PHF20L1: variants seen among roughly 807,000 people sequenced by gnomAD.
PHF20L1 encodes the protein PHD finger protein 20-like protein 1.
In PHF20L1, 44 loss-of-function variants were observed where a neutral mutation model predicts 125.5. The ratio of observed to expected loss-of-function variants is 0.35; its 90% CI spans 0.28 to 0.45. The LOEUF is 0.45. Ranked by LOEUF, PHF20L1 falls within the 20% of genes least tolerant of loss-of-function variation. PHF20L1 has a pLI of 1.00. For missense variants in PHF20L1, 1,012 were observed against 1,217.2 expected (o/e 0.83, Z 2.51); for synonymous variants, 380 against 403.1 (o/e 0.94, Z 0.69).
intron 2 of PHF20L1, among the ~76,000 whole-genome samples, chr8:132,784,300 A>G (rs537601579): frequency 6.6e-6 from 1 of 152,298 alleles, no homozygotes; most frequent in Admixed American, 6.5e-5. Flanking sequence ...AAACAAAAGT[A>G]TTGGAAAAAA....
chr8:132,814,782 C>A lies in PHF20L1; in HGVS notation c.1076C>A (p.Ser359Tyr). 1 of 1,612,854 alleles carries A rather than the reference C, an allele frequency of 6.2e-7. No homozygotes were observed. The highest frequency in any genetic ancestry group is 1.3e-5 in the African/African-American group (1 of 74,924). The change falls in exon 10 of 21, where the codon TCT becomes TAT. Residue 359 changes from serine to tyrosine, a missense_variant. Transcript: ENST00000395386. The part of the protein sequence containing the change: ...SKKCKHESGD[S>Y]SGCIKPPKSP... ...AAATGCAAACATGAATCTGGAGATT[C>A]TTCTGGGTGTATAAAACCCCCTAAA...
intron 19 of PHF20L1, chr8:132,843,154 A>G (rs1490204003): frequency 9.2e-7 from 1 of 1,091,804 alleles, no homozygotes; most frequent in South Asian, 3.6e-5. Flanking sequence ...TAAAAAATGA[A>G]CCACATTGTA....
In PHF20L1 at chr8:132,811,109, C is replaced by A; in HGVS notation, c.911C>A (p.Thr304Lys). 1 of 1,611,730 alleles carries A rather than the reference C, an allele frequency of 6.2e-7. No individual in the cohort carries two copies. The highest frequency in any genetic ancestry group is 8.5e-7 in the Non-Finnish European group (1 of 1,178,172). ...GAAAAAAAGGAAGACTACAATGAAA[C>A]AGCTCCAATGCTGGAGCAGGTATGA... Reference protein sequence around the residue: ...GAEKKEDYNETAPMLEQAISP... With the variant: ...GAEKKEDYNEKAPMLEQAISP... Residue 304 changes from threonine (T) to lysine (K), a missense_variant, in exon 9 of 21, where the codon ACA becomes AAA. By Grantham distance (78) the Thr-to-Lys change is moderately conservative. Transcript: ENST00000395386.
intron 4 of PHF20L1, among the ~76,000 whole-genome samples, chr8:132,798,182 G>GGT (rs1832640139): frequency 6.6e-6 from 1 of 151,868 alleles, no homozygotes; most frequent in Admixed American, 6.6e-5. Flanking sequence ...AATGCCATTG[G>GGT]GTGTAGCATT....
intron 12 of PHF20L1, among the ~76,000 whole-genome samples, chr8:132,819,875 A>G (rs189957667): frequency 6.6e-6 from 1 of 151,872 alleles, no homozygotes; most frequent in Non-Finnish European, 1.5e-5. Context: ...GTTTAGAATG[A>G]TGAGGGTGTT....
chr8:132,817,898 G>A (rs1835153143), intron 12 of PHF20L1: 1 of 170,560 alleles, frequency 5.9e-6, no homozygotes, highest in Non-Finnish European at 1.2e-5. Context: ...AATGGGATCA[G>A]TACTTTGGTT....
chr8:132,775,487 G>C lies in PHF20L1; in HGVS notation c.-196G>C, dbSNP rs1829570137. 1 of 376,754 alleles carries C rather than the reference G, an allele frequency of 2.7e-6. No individual in the cohort carries two copies. Among genetic ancestry groups the C allele is most frequent in the Non-Finnish European group, 4.7e-6 (1 of 212,070 alleles). The allele number at this position is 376,754 out of a possible 1,614,324, so 23.3% of individuals were successfully genotyped here. ...CCCAGCTCCCTCCCGCGAAACCTTGGGCGGATCCGGCGCTGCGGCCCCAGC... is the reference window on the plus strand; with the variant it reads ...CCCAGCTCCCTCCCGCGAAACCTTGCGCGGATCCGGCGCTGCGGCCCCAGC... On this transcript the variant is annotated 5_prime_UTR_variant, in exon 1 of 21. Transcript: ENST00000395386.
chr8:132,797,311 T>G (rs952087011), intron 4 of PHF20L1, among the ~76,000 whole-genome samples: 1 of 152,008 alleles, frequency 6.6e-6, no homozygotes, highest in South Asian at 2.1e-4. Flanking sequence ...TGTGAACATT[T>G]AGGCATTTGT....
chr8:132,807,293 G>A lies in PHF20L1; in HGVS notation c.847+2553G>A, dbSNP rs575750784. 23 of 166,478 alleles carry A rather than the reference G, an allele frequency of 1.4e-4. No homozygotes were observed. The East Asian group carries it at 3.6e-3, about 26-fold the overall frequency. 10.3% of individuals were successfully genotyped at this position (166,478 alleles called of 1,614,324 possible). A position where few individuals can be genotyped will look rare whatever the true frequency, so the allele number is the denominator to read the frequency against. ...TATTATTATATGGCTTATGCATACTGATTTGAAATAAACAATTTTACTTAG... is the reference window on the plus strand; with the variant it reads ...TATTATTATATGGCTTATGCATACTAATTTGAAATAAACAATTTTACTTAG... On this transcript the variant is annotated intron_variant, in intron 8 of 20. Transcript: ENST00000395386.
At chr8:132,832,454 CTG>C in intron 15 of PHF20L1, 55 bp downstream of exon 15, 2 of 1,296,804 alleles carry the variant, frequency 1.5e-6, no homozygotes, top group East Asian at 2.3e-5. Flanking sequence ...AAATGTGTAA[CTG>C]AGAATAAAAC....
Position 132,815,045 on chromosome 8 carries a change from A to G in PHF20L1, c.1183+156A>G, listed in dbSNP as rs528927077. Reference sequence around the variant, plus strand: ...AAACTATTTCAGGGGCAAAAACCATAGACATTTCTTACTGATTTATTGCTT... The same window carrying G: ...AAACTATTTCAGGGGCAAAAACCATGGACATTTCTTACTGATTTATTGCTT... On this transcript the variant is annotated intron_variant, in intron 10 of 20. Transcript: ENST00000395386. 1,067 of 551,822 alleles carry G rather than the reference A, an allele frequency of 1.9e-3. 26 individuals carry two copies. In the South Asian group the frequency reaches 0.028, roughly 14 times the overall value. The allele number at this position is 551,822 out of a possible 1,614,324, so 34.2% of individuals were successfully genotyped here.
At position 132,794,593 on chromosome 8, in the gene PHF20L1, G is replaced by GT; in HGVS notation, c.255+18dup. 2 of 1,591,768 alleles carry GT rather than the reference G, an allele frequency of 1.3e-6. No individual in the cohort carries two copies. The highest frequency in any genetic ancestry group is 1.7e-5 in the Admixed American group (1 of 57,332). On this transcript the variant is annotated intron_variant, in intron 3 of 20. Coordinates refer to ENST00000395386, the MANE Select transcript of PHF20L1 (RefSeq NM_016018.5). ...AGGAAGATTTCTTTGTAAGTAGCAA[G>GT]TTTTTTCTGTTTGCTAGTTTTGCCA...
intron 2 of PHF20L1, among the ~76,000 whole-genome samples, chr8:132,793,200 G>C (rs1397135042): frequency 1.3e-5 from 2 of 151,836 alleles, no homozygotes; most frequent in African/African-American, 2.4e-5. Flanking sequence ...TTTAGGGCTC[G>C]GACGGAAAGA....
intron 8 of PHF20L1, chr8:132,808,561 G>C (rs996589537): frequency 6.6e-6 from 1 of 151,984 alleles, no homozygotes; most frequent in East Asian, 1.9e-4. Flanking sequence ...ACTCTACTCA[G>C]TTTCCTGCAA....
chr8:132,845,842 G>A lies in PHF20L1; in HGVS notation c.2973G>A (p.Leu991=). 6.2e-7 allele frequency: 1 copy of A among 1,611,116 alleles called. No individual in the cohort carries two copies. Among genetic ancestry groups the A allele is most frequent in the Non-Finnish European group, 8.5e-7 (1 of 1,177,574 alleles). ...ELEPPDPLAR[L]PQLKRHIKQL... is the part of the protein sequence containing the mutation. ...AGCCACCAGATCCTCTTGCAAGATT[G>A]CCCCAACTTAAACGCCACATAAAAC... The change falls in exon 21 of 21, where the codon TTG becomes TTA. Residue 991 remains leucine, a synonymous_variant. Coordinates refer to ENST00000395386, the MANE Select transcript of PHF20L1 (RefSeq NM_016018.5).
chr8:132,787,735 T>C (rs991778512), intron 2 of PHF20L1, among the ~76,000 whole-genome samples: 1 of 152,154 alleles, frequency 6.6e-6, no homozygotes, highest in Admixed American at 6.6e-5. Flanking sequence ...ATTGCAGTTA[T>C]AATCAATGGG....
chr8:132,836,397 T>TA, intron 15 of PHF20L1, 143 bp from the exon 16 acceptor site: 1 of 601,342 alleles, frequency 1.7e-6, no homozygotes, highest in South Asian at 2.2e-5. Flanking sequence ...CAGAGACAAG[T>TA]ACAGTACAGT....
intron 4 of PHF20L1, among the ~76,000 whole-genome samples, chr8:132,795,464 T>G (rs1165697511): frequency 6.6e-6 from 1 of 152,120 alleles, no homozygotes; most frequent in Non-Finnish European, 1.5e-5. Flanking sequence ...GGACAGATCA[T>G]TAATTTAAAA....
intron 15 of PHF20L1, among the ~76,000 whole-genome samples, chr8:132,833,202 T>G (rs1031213544): frequency 6.6e-6 from 1 of 152,014 alleles, no homozygotes; most frequent in African/African-American, 2.4e-5. Context: ...TCCTTGTGAG[T>G]GAGCTCACTT....
Sources: allele counts gnomAD v4.1 joint callset (sites outside exome capture counted in the v4.1 genomes callset), GRCh38; gene constraint gnomAD v4.1.1; transcripts MANE v1.5; gene names NCBI Gene and HGNC (gene_info 2026-07-23, HGNC 2026-07-21).